The following NRG3 variants were observed in gnomAD, a reference collection of about 807,000 sequenced individuals.
NRG3 encodes the protein pro-neuregulin-3, membrane-bound isoform.
NRG3 carries 31 observed loss-of-function variants against 66.9 expected under a neutral mutation model. The ratio of observed to expected loss-of-function variants is 0.46; its 90% confidence interval spans 0.35 to 0.63. The LOEUF (loss-of-function observed/expected upper bound fraction) is 0.63, where lower values mean the gene tolerates loss of function less well. Ranked by LOEUF, NRG3 falls within the 20% of genes least tolerant of loss-of-function variation. The probability of loss-of-function intolerance (pLI) is 0.00; values close to 1 mark genes in which losing one functional copy is unlikely to be tolerated. For synonymous variants in NRG3, 393 were observed against 359.4 expected (o/e 1.09, Z -1.06); for missense variants, 910 against 878.9 (o/e 1.04, Z -0.45).
intron 2 of NRG3, among the ~76,000 whole-genome samples, chr10:82,535,476 A>G (rs1485436593): frequency 6.6e-6 from 1 of 152,144 alleles, no homozygotes; most frequent in Non-Finnish European, 1.5e-5. Context: ...AACATAAATC[A>G]GAATTTTCTA....
At chr10:81,941,575 G>A (rs12267656) in intron 1 of NRG3, among the ~76,000 whole-genome samples, 4,780 of 152,154 alleles carry the variant, frequency 0.031, 271 homozygotes, top group African/African-American at 0.11. Flanking sequence ...CTAAGAGATC[G>A]TTTTAAAATC....
At chr10:82,706,344 A>G (rs567519926) in intron 2 of NRG3, among the ~76,000 whole-genome samples, 1 of 152,242 alleles carries the variant, frequency 6.6e-6, no homozygotes, top group Non-Finnish European at 1.5e-5. Flanking sequence ...TGGGATTTGA[A>G]ATCTTTATAT....
intron 1 of NRG3, among the ~76,000 whole-genome samples, chr10:81,906,441 G>A (rs556209247): frequency 6.6e-6 from 1 of 152,142 alleles, no homozygotes; most frequent in Non-Finnish European, 1.5e-5. Flanking sequence ...CCTTTCTAAG[G>A]ATGTAGCATT....
In NRG3 at chr10:82,362,546, GGGT is replaced by G. The variant is rs1390311647; in HGVS notation, c.953+3679_953+3681del. 5.9e-3 allele frequency among the ~76,000 whole-genome samples: 538 copies of G among 91,338 alleles called. 32 individuals are homozygous for G. Among genetic ancestry groups the G allele is most frequent in the Middle Eastern group, 0.016 (3 of 184 alleles). The allele number at this position is 91,338 out of a possible 152,430, so 59.9% of individuals were successfully genotyped here. On this transcript the variant is annotated intron_variant, in intron 2 of 8. Transcript: ENST00000372141. The stretch of plus-strand genomic sequence containing the variant: ...TCACCACCATGCCCAGATAATTTCT[GGGT>G]TTTTTTTTTTTTTTTTTTTTCGTAG...
chr10:82,615,770 C>G (rs952152240), intron 2 of NRG3, among the ~76,000 whole-genome samples: 1 of 151,956 alleles, frequency 6.6e-6, no homozygotes, highest in African/African-American at 2.4e-5. Context: ...GTGGAGGGAT[C>G]TAATAAAATC....
chr10:82,331,306 A>G (rs544639692), intron 1 of NRG3, among the ~76,000 whole-genome samples: 2 of 152,152 alleles, frequency 1.3e-5, no homozygotes, highest in Admixed American at 1.3e-4. Context: ...ATAAAAAGGG[A>G]CCATTTCCAT....
At position 82,958,992 on chromosome 10, in the gene NRG3, A is replaced by G. The variant is rs1248330264; in HGVS notation, c.1201A>G (p.Asn401Asp). The G allele has an allele frequency of 6.2e-7, 1 of 1,606,916 alleles. No homozygotes were observed. Among genetic ancestry groups the G allele is most frequent in the Non-Finnish European group, 8.5e-7 (1 of 1,178,106 alleles). The change falls in exon 6 of 9, where the codon AAT becomes GAT. Residue 401 changes from asparagine (N) to aspartate (D), a missense_variant. By Grantham distance (23) the Asn-to-Asp change is conservative (BLOSUM62 1). Transcript: ENST00000372141. ...CCAAGAGCAGCTGAAAGTGCCACAA[A>G]ATGGTAAAAGCTACAGTCTCAAAGC... ...QIQEQLKVPQ[N>D]GKSYSLKASS...
At chr10:82,251,241 C>T (rs558796073) in intron 1 of NRG3, among the ~76,000 whole-genome samples, 164 of 152,278 alleles carry the variant, frequency 1.1e-3, no homozygotes, top group Middle Eastern at 3.4e-3. Flanking sequence ...GGAGCTGTTC[C>T]TTCTCTTCCT....
chr10:82,845,633 AC>A (rs1291079971), intron 3 of NRG3, among the ~76,000 whole-genome samples: 4 of 152,336 alleles, frequency 2.6e-5, no homozygotes, highest in East Asian at 3.9e-4. Context: ...AGGAAAAAAA[AC>A]AAACAGAAAA....
At chr10:82,000,666 C>A (rs1048314094) in intron 1 of NRG3, among the ~76,000 whole-genome samples, 1 of 152,202 alleles carries the variant, frequency 6.6e-6, no homozygotes, top group Non-Finnish European at 1.5e-5. Flanking sequence ...CCTTCATATA[C>A]AGTAGCCTCC....
intron 3 of NRG3, among the ~76,000 whole-genome samples, chr10:82,857,006 G>A (rs527964780): frequency 3.3e-5 from 5 of 152,122 alleles, no homozygotes; most frequent in African/African-American, 9.6e-5. Context: ...TCCTTTAATC[G>A]GTAATTGCAA....
intron 1 of NRG3, among the ~76,000 whole-genome samples, chr10:81,957,466 T>G (rs1053735220): frequency 6.6e-6 from 1 of 151,982 alleles, no homozygotes; most frequent in Non-Finnish European, 1.5e-5. Flanking sequence ...CCACACGAAT[T>G]TATACTTTGT....
At chr10:82,347,277 C>T (rs1188320492) in intron 1 of NRG3, among the ~76,000 whole-genome samples, 2 of 149,818 alleles carry the variant, frequency 1.3e-5, no homozygotes, top group South Asian at 4.2e-4. Flanking sequence ...TCTTTGTTCT[C>T]GTTGGTTTCA....
chr10:82,042,868 A>G (rs2063108410), intron 1 of NRG3, among the ~76,000 whole-genome samples: 1 of 152,086 alleles, frequency 6.6e-6, no homozygotes, highest in African/African-American at 2.4e-5. Flanking sequence ...ATAAAATTAT[A>G]GACAAAACCT....
chr10:81,995,452 T>C (rs1230010801), intron 1 of NRG3, among the ~76,000 whole-genome samples: 1 of 152,184 alleles, frequency 6.6e-6, no homozygotes, highest in East Asian at 1.9e-4. Flanking sequence ...ATCTCTCCAC[T>C]GTGTTTGGCA....
intron 1 of NRG3, among the ~76,000 whole-genome samples, chr10:82,122,423 G>A (rs2068149900): frequency 6.6e-6 from 1 of 152,154 alleles, no homozygotes; most frequent in African/African-American, 2.4e-5. Context: ...GTATGTTAGT[G>A]TGTTTTTGCT....
intron 2 of NRG3, among the ~76,000 whole-genome samples, chr10:82,509,012 C>T (rs560700358): frequency 5.9e-5 from 9 of 152,186 alleles, no homozygotes; most frequent in Admixed American, 1.3e-4. Flanking sequence ...AAAGACATAA[C>T]TTTATCTCTT....
intron 2 of NRG3, among the ~76,000 whole-genome samples, chr10:82,648,865 A>T (rs910581884): frequency 2.6e-5 from 4 of 152,180 alleles, no homozygotes; most frequent in African/African-American, 9.7e-5. Flanking sequence ...TTGTACCCTG[A>T]GACTTTGCTG....
intron 3 of NRG3, among the ~76,000 whole-genome samples, chr10:82,778,474 G>A (rs1332827574): frequency 6.6e-6 from 1 of 152,094 alleles, no homozygotes; most frequent in African/African-American, 2.4e-5. Context: ...GTGCAAGCAG[G>A]CAAAATGCCA....
Sources: allele counts gnomAD v4.1 joint callset (sites outside exome capture counted in the v4.1 genomes callset), GRCh38; gene constraint gnomAD v4.1.1; transcripts MANE v1.5; gene names NCBI Gene and HGNC (gene_info 2026-07-23, HGNC 2026-07-21).